The following SNX29 variants were observed in gnomAD, a reference collection of about 807,000 sequenced individuals.
The protein encoded by SNX29 is sorting nexin-29.
SNX29 carries 78 observed loss-of-function variants against 102.1 expected under a neutral mutation model. The ratio of observed to expected loss-of-function variants is 0.76; its 90% confidence interval spans 0.64 to 0.92. The LOEUF is 0.92. Among genes scored for constraint, SNX29 ranks in the 40% least tolerant of loss-of-function variants. The probability of loss-of-function intolerance (pLI) is 0.00; values close to 1 mark genes in which losing one functional copy is unlikely to be tolerated. For synonymous variants in SNX29, 580 were observed against 414.5 expected (o/e 1.40, Z -4.85); for missense variants, 1,280 against 1,061.7 (o/e 1.21, Z -2.86).
At chr16:12,317,308 G>T (rs561085382) in intron 15 of SNX29, among the ~76,000 whole-genome samples, 1 of 152,300 alleles carries the variant, frequency 6.6e-6, no homozygotes, top group African/African-American at 2.4e-5. Flanking sequence ...GCAGGACTCA[G>T]TCTGAACAGG....
At chr16:12,361,979 G>GCT (rs2082313558) in intron 16 of SNX29, among the ~76,000 whole-genome samples, 2 of 147,342 alleles carry the variant, frequency 1.4e-5, no homozygotes, top group Non-Finnish European at 3.0e-5. Context: ...ACGAGCACAT[G>GCT]CCTATACATG....
chr16:12,567,476 G>A (rs995113483), intron 20 of SNX29, among the ~76,000 whole-genome samples: 3 of 152,150 alleles, frequency 2.0e-5, no homozygotes, highest in South Asian at 2.1e-4. Flanking sequence ...TCTAGCAAAA[G>A]GGACTTTACA....
chr16:12,403,961 G>A (rs1252568682), intron 18 of SNX29, among the ~76,000 whole-genome samples: 3 of 152,158 alleles, frequency 2.0e-5, no homozygotes, highest in African/African-American at 4.8e-5. Context: ...CCCCAGCAGC[G>A]CCAGGTTCTC....
At chr16:12,377,212 A>C (rs1419573832) in intron 16 of SNX29, among the ~76,000 whole-genome samples, 1 of 152,164 alleles carries the variant, frequency 6.6e-6, no homozygotes, top group African/African-American at 2.4e-5. Flanking sequence ...AGGGTGTAGT[A>C]TATTAGTCAA....
chr16:12,036,226 C>T lies in SNX29; in HGVS notation c.248-6671C>T, dbSNP rs150232352. On this transcript the variant is annotated intron_variant, in intron 4 of 20. Coordinates refer to ENST00000566228, the MANE Select transcript of SNX29 (RefSeq NM_032167.5). ...AGTAGCTGGGACGACAGGTGTGTGC[C>T]GCCACACTCGGCTCCTTGTAGTTGG... is the stretch of plus-strand genomic sequence containing the variant. Among the ~76,000 whole-genome samples the T allele has an allele frequency of 2.0e-4, 30 of 152,140 alleles. 1 individual carries two copies. The highest frequency in any genetic ancestry group is 6.8e-3 in the Middle Eastern group (2 of 294).
intron 14 of SNX29, among the ~76,000 whole-genome samples, chr16:12,270,208 C>T (rs546559245): frequency 3.3e-5 from 5 of 152,180 alleles, no homozygotes; most frequent in South Asian, 2.1e-4. Flanking sequence ...AGGAAAGATG[C>T]GACTTAGAAA....
rs192689175 is a variant in SNX29, at chr16:12,188,340, T to C, written c.1596-11261T>C. On this transcript the variant is annotated intron_variant, in intron 13 of 20. Transcript: ENST00000566228. Reference sequence around the variant, plus strand: ...AGGTTAAGCAACTTGCCCAAGGTCATACAGAGGTAGAGCAAGCATTCCCGT... The same window carrying C: ...AGGTTAAGCAACTTGCCCAAGGTCACACAGAGGTAGAGCAAGCATTCCCGT... Among the ~76,000 whole-genome samples the C allele has an allele frequency of 2.0e-4, 31 of 152,322 alleles. No individual in the cohort carries two copies. In the East Asian group the frequency reaches 6.0e-3, roughly 29 times the overall value.
At chr16:12,356,140 AC>A in intron 15 of SNX29, 22 bp from the exon 16 acceptor site, 1 of 1,604,066 alleles carries the variant, frequency 6.2e-7, no homozygotes, top group Non-Finnish European at 8.5e-7. Context: ...TCTAAGCCTC[AC>A]CTTTCCGTGC....
intron 19 of SNX29, among the ~76,000 whole-genome samples, chr16:12,503,097 C>G: frequency 6.6e-6 from 1 of 152,112 alleles, no homozygotes; most frequent in East Asian, 1.9e-4. Context: ...GGAGGACCCT[C>G]CCATCCACCA....
intron 14 of SNX29, among the ~76,000 whole-genome samples, chr16:12,270,849 C>T (rs1265984737): frequency 6.6e-6 from 1 of 152,000 alleles, no homozygotes; most frequent in Non-Finnish European, 1.5e-5. Flanking sequence ...CGAGACCCAC[C>T]TGGTCAATGT....
At chr16:12,386,226 T>C (rs9925099) in intron 16 of SNX29, among the ~76,000 whole-genome samples, 22 of 152,324 alleles carry the variant, frequency 1.4e-4, no homozygotes, top group African/African-American at 5.3e-4. Flanking sequence ...TGAAAGACTC[T>C]TCCTGGGGCC....
intron 8 of SNX29, among the ~76,000 whole-genome samples, chr16:12,058,495 G>GTTTTTTTTTTTTTTTTTTT (rs1249420541): frequency 4.7e-5 from 5 of 106,500 alleles, no homozygotes; most frequent in African/African-American, 1.6e-4. Flanking sequence ...TTGGTTTTTG[G>GTTTTTTTTTTTTTTTTTTT]TTTTTTTTTT....
At chr16:12,067,763 C>T (rs2051101980) in intron 9 of SNX29, among the ~76,000 whole-genome samples, 1 of 152,208 alleles carries the variant, frequency 6.6e-6, no homozygotes, top group Non-Finnish European at 1.5e-5. Flanking sequence ...GGTGGGATTA[C>T]AGGCGTGAGC....
chr16:12,387,560 A>G (rs2083382258), intron 16 of SNX29, among the ~76,000 whole-genome samples: 1 of 152,146 alleles, frequency 6.6e-6, no homozygotes, highest in Non-Finnish European at 1.5e-5. Context: ...GAGAAAGGCC[A>G]TTTTGTTGAG....
intron 15 of SNX29, among the ~76,000 whole-genome samples, chr16:12,334,825 C>G (rs2081398122): frequency 6.7e-6 from 1 of 148,652 alleles, no homozygotes; most frequent in Admixed American, 6.8e-5. Context: ...GCCTGCTTCT[C>G]TCAATTATTT....
intron 6 of SNX29, among the ~76,000 whole-genome samples, chr16:12,047,767 C>G (rs1331368611): frequency 6.6e-6 from 1 of 151,388 alleles, no homozygotes; most frequent in African/African-American, 2.4e-5. Context: ...AAGCGATTCT[C>G]CTGCTGCAGC....
chr16:12,263,463 G>A (rs149522189), intron 14 of SNX29, among the ~76,000 whole-genome samples: 1 of 152,122 alleles, frequency 6.6e-6, no homozygotes, highest in Non-Finnish European at 1.5e-5. Context: ...CCCGATGAGA[G>A]AGAATGAGCT....
intron 18 of SNX29, among the ~76,000 whole-genome samples, chr16:12,472,738 C>G (rs533872260): frequency 6.6e-6 from 1 of 151,986 alleles, no homozygotes; most frequent in African/African-American, 2.4e-5. Flanking sequence ...TGTTCATTGA[C>G]GGACTGAGGT....
intron 11 of SNX29, among the ~76,000 whole-genome samples, chr16:12,088,692 TCCCAG>T (rs993676985): frequency 6.6e-6 from 1 of 152,242 alleles, no homozygotes; most frequent in African/African-American, 2.4e-5. Flanking sequence ...ACGCCTGTAA[TCCCAG>T]CACTTTGGGA....
Sources: gnomAD v4.1 joint callset for allele counts (sites outside exome capture counted in the v4.1 genomes callset) on GRCh38, gnomAD v4.1.1 for gene constraint, MANE v1.5 for transcripts, NCBI Gene and HGNC (gene_info 2026-07-23, HGNC 2026-07-21) for gene names.